The following SYNE2 variants were observed in gnomAD, a reference collection of about 807,000 sequenced individuals.
SYNE2 encodes spectrin repeat containing nuclear envelope protein 2, also known as nesprin-2.
In SYNE2, 431 loss-of-function variants were observed where a neutral mutation model predicts 856.3. The ratio of observed to expected loss-of-function variants is 0.50; its 90% confidence interval spans 0.47 to 0.55. The LOEUF is 0.55. SYNE2 is among the 20% of genes least tolerant of loss of function. SYNE2 has a pLI of 0.00. For missense variants in SYNE2, 8,129 were observed against 8,023.2 expected (o/e 1.01, Z -0.50); for synonymous variants, 2,923 against 2,872.3 (o/e 1.02, Z -0.56).
intron 1 of SYNE2, among the ~76,000 whole-genome samples, chr14:63,855,390 A>AAC (rs1891448897): frequency 6.6e-6 from 1 of 152,164 alleles, no homozygotes; most frequent in Non-Finnish European, 1.5e-5. Context: ...TGGCTCCCAG[A>AAC]ACAACCTCTT....
At chr14:63,981,940 T>C (rs1373353836) in intron 16 of SYNE2, among the ~76,000 whole-genome samples, 4 of 152,204 alleles carry the variant, frequency 2.6e-5, no homozygotes, top group Non-Finnish European at 4.4e-5. Context: ...ATTCAAATCT[T>C]CGTCTTCCAA....
chr14:64,090,687 C>G (rs1373405153), intron 59 of SYNE2, among the ~76,000 whole-genome samples, 179 bp from the exon 60 acceptor site: 1 of 152,180 alleles, frequency 6.6e-6, no homozygotes, highest in East Asian at 1.9e-4. Flanking sequence ...GTTATTCTTT[C>G]CTGAGACTTT....
intron 41 of SYNE2, among the ~76,000 whole-genome samples, chr14:64,026,101 G>GA (rs1247209783): frequency 6.6e-6 from 1 of 152,126 alleles, no homozygotes; most frequent in Non-Finnish European, 1.5e-5. Flanking sequence ...TAAATAATCA[G>GA]AATCATTTGG....
At chr14:64,145,374 G>A (rs554961440) in intron 83 of SYNE2, among the ~76,000 whole-genome samples, 4 of 152,066 alleles carry the variant, frequency 2.6e-5, no homozygotes, top group African/African-American at 4.8e-5. Flanking sequence ...TGGGCATGGC[G>A]GCACGTGCCT....
chr14:63,897,998 A>C (rs1009323429), intron 1 of SYNE2, among the ~76,000 whole-genome samples: 1 of 152,172 alleles, frequency 6.6e-6, no homozygotes, highest in Non-Finnish European at 1.5e-5. Context: ...TGAGATCCCA[A>C]ATTGGAACTT....
At chr14:63,876,446 A>G (rs1373144978) in intron 1 of SYNE2, among the ~76,000 whole-genome samples, 3 of 151,634 alleles carry the variant, frequency 2.0e-5, no homozygotes, top group Middle Eastern at 6.8e-3. Context: ...AGTGGATACC[A>G]TTATATTTTT....
At chr14:64,103,333 G>C (rs972708977) in intron 64 of SYNE2, among the ~76,000 whole-genome samples, 4 of 150,600 alleles carry the variant, frequency 2.7e-5, no homozygotes, top group African/African-American at 9.8e-5. Context: ...GGAGTTTTGG[G>C]TGGAGGGTCT....
At chr14:63,910,467 T>A (rs1221270158) in intron 2 of SYNE2, among the ~76,000 whole-genome samples, 2 of 152,214 alleles carry the variant, frequency 1.3e-5, no homozygotes, top group Non-Finnish European at 2.9e-5. Flanking sequence ...GAGGTTATAC[T>A]TGAGGTAAGA....
chr14:63,861,735 C>T (rs531123426), intron 1 of SYNE2, among the ~76,000 whole-genome samples: 8 of 151,654 alleles, frequency 5.3e-5, no homozygotes, highest in South Asian at 2.1e-4. Flanking sequence ...TGCAGTGAGC[C>T]GTGAGAGACA....
intron 49 of SYNE2, among the ~76,000 whole-genome samples, chr14:64,056,756 C>T (rs570667613): frequency 2.0e-5 from 3 of 151,900 alleles, no homozygotes; most frequent in Admixed American, 6.6e-5. Flanking sequence ...CTGCAACCTC[C>T]GCCTCCCGAG....
intron 100 of SYNE2, chr14:64,207,906 T>TAACTCTTCA: frequency 4.6e-6 from 2 of 432,770 alleles, no homozygotes; most frequent in South Asian, 3.3e-5. Context: ...CAGGGATGCC[T>TAACTCTTCA]AACTCTTCCA....
At chr14:64,045,859 G>C (rs2097182477) in intron 45 of SYNE2, among the ~76,000 whole-genome samples, 1 of 152,152 alleles carries the variant, frequency 6.6e-6, no homozygotes, top group Non-Finnish European at 1.5e-5. Context: ...TAGTTTTACA[G>C]TTACAGAGAA....
chr14:63,802,515 T>G (rs1050246730), intron 1 of SYNE2, among the ~76,000 whole-genome samples: 1 of 152,094 alleles, frequency 6.6e-6, no homozygotes, highest in Non-Finnish European at 1.5e-5. Context: ...AGCTAAGGCT[T>G]TGGTTGACTG....
At chr14:64,114,144 A>G (rs1282613590) in intron 66 of SYNE2, among the ~76,000 whole-genome samples, 1 of 152,220 alleles carries the variant, frequency 6.6e-6, no homozygotes, top group Non-Finnish European at 1.5e-5. Context: ...CCATTTTACT[A>G]GGAATGCCCT....
At position 64,215,315 on chromosome 14, in the gene SYNE2, T is replaced by C. The variant is rs1043623824; in HGVS notation, c.19363T>C (p.Tyr6455His). The change falls in exon 107 of 116, where the codon TAT becomes CAT. Residue 6455 changes from tyrosine (Y) to histidine (H), a missense_variant. Around this residue, in one of 3 missense-constraint regions of SYNE2, gnomAD observed 5,410 missense variants for 5,284.8 expected, o/e 1.02. Transcript: ENST00000555002. ...AGAAATCCCTGAAAATCCTGAGGCA[T>C]ATCTTAAAATGACCACAAAAACTTT... The part of the protein sequence containing the change: ...DVEIPENPEA[Y>H]LKMTTKTLKA... The C allele has an allele frequency of 9.3e-6, 15 of 1,614,174 alleles. No homozygotes were observed. Among genetic ancestry groups the C allele is most frequent in the Non-Finnish European group, 1.3e-5 (15 of 1,180,038 alleles).
intron 45 of SYNE2, among the ~76,000 whole-genome samples, chr14:64,038,895 C>T (rs984278304): frequency 6.6e-6 from 1 of 151,506 alleles, no homozygotes; most frequent in Admixed American, 6.6e-5. Context: ...AGAGCACTGT[C>T]TCCTCTTTTG....
At chr14:64,215,835 C>T in intron 107 of SYNE2, 1 of 724,506 alleles carries the variant, frequency 1.4e-6, no homozygotes, top group Non-Finnish European at 1.9e-6. Flanking sequence ...TTAGCCCCAT[C>T]CCTATCTGCC....
At chr14:63,842,408 T>A (rs1336487082) in intron 1 of SYNE2, among the ~76,000 whole-genome samples, 1 of 151,848 alleles carries the variant, frequency 6.6e-6, no homozygotes, top group African/African-American at 2.4e-5. Flanking sequence ...CACCTCAGCC[T>A]CCCAAAGTGC....
intron 1 of SYNE2, among the ~76,000 whole-genome samples, chr14:63,799,958 A>G (rs910995538): frequency 2.6e-5 from 4 of 152,194 alleles, no homozygotes; most frequent in African/African-American, 7.2e-5. Flanking sequence ...TCAGGAAGGA[A>G]TTTGTTGTAC....
Sources: gnomAD v4.1 joint callset for allele counts (sites outside exome capture counted in the v4.1 genomes callset) on GRCh38, gnomAD v4.1.1 for gene constraint, gnomAD v4.1.1 regional missense constraint, MANE v1.5 for transcripts, NCBI Gene and HGNC (gene_info 2026-07-23, HGNC 2026-07-21) for gene names.